DNAH10: variants seen among roughly 807,000 people sequenced by gnomAD.
The protein encoded by DNAH10 is axonemal beta dynein heavy chain 10.
Under a neutral mutation model 506.6 loss-of-function variants are expected in DNAH10, and 348 were observed. The ratio of observed to expected loss-of-function variants is 0.69; its 90% CI spans 0.63 to 0.75. DNAH10 has a LOEUF of 0.75. DNAH10 is among the 30% of genes least tolerant of loss of function. The pLI, the probability that DNAH10 is intolerant of heterozygous loss-of-function variation, is 0.00. For synonymous variants in DNAH10, 2,059 were observed against 2,198.6 expected (o/e 0.94, Z 1.78); for missense variants, 5,179 against 5,787.1 (o/e 0.89, Z 3.41).
At position 123,932,100 on chromosome 12, in the gene DNAH10, A is replaced by G. The variant is rs367906430; in HGVS notation, c.13288A>G (p.Met4430Val). The G allele has an allele frequency of 6.2e-6, 10 of 1,613,590 alleles. No individual in the cohort carries two copies. Among genetic ancestry groups the G allele is most frequent in the African/African-American group, 5.3e-5 (4 of 75,006 alleles). Residue 4430 changes from methionine to valine, a missense_variant, in exon 76 of 79, where the codon ATG becomes GTG. Transcript: ENST00000673944. ...CTTCCTGCGGCGGTTCAGCCAGTACATGTTGTGGGTAAGTGGCACGTCACC... is the reference window on the plus strand; with the variant it reads ...CTTCCTGCGGCGGTTCAGCCAGTACGTGTTGTGGGTAAGTGGCACGTCACC... ...VYFLRRFSQY[M>V]LWVTESEPSV...
rs1375564018 is a variant in DNAH10 at position 123,917,702 on chromosome 12, C to G, written c.11121C>G (p.Leu3707=). The G allele has an allele frequency of 6.4e-7, 1 of 1,559,024 alleles. No individual in the cohort carries two copies. ...IQETSENKNL[L]KDLEDSLLRE... is the part of the protein sequence containing the mutation. ...AGACCAGCGAGAACAAGAACCTGCT[C>G]AAGGACCTGGAAGATTCCCTCCTTC... Residue 3707 remains leucine (L), a synonymous_variant, in exon 64 of 79, where the codon CTC becomes CTG. Transcript: ENST00000673944. This position sits in a 1 kb window ranked among gnomAD's most constrained non-coding sequence, Gnocchi z 5.6.
chr12:123,902,796 G>T lies in DNAH10; in HGVS notation c.9641-143G>T. On this transcript the variant is annotated intron_variant, in intron 56 of 78. Transcript: ENST00000673944. The surrounding 1 kb of genome is among the most constrained non-coding windows in gnomAD (Gnocchi z 4.5). ...GGTTTTCTGTCCCACCAGGATCACT[G>T]AGGCTGCCACATTGGCCAGAGCCCC... is the stretch of plus-strand genomic sequence containing the variant. 9.3e-7 allele frequency: 1 copy of T among 1,077,520 alleles called. No individual in the cohort carries two copies. Among genetic ancestry groups the T allele is most frequent in the Non-Finnish European group, 1.3e-6 (1 of 772,722 alleles). 66.7% of individuals were successfully genotyped at this position (1,077,520 alleles called of 1,614,324 possible).
intron 2 of DNAH10, among the ~76,000 whole-genome samples, chr12:123,769,312 AT>A (rs762803847): frequency 9.0e-4 from 130 of 144,692 alleles, no homozygotes; most frequent in Admixed American, 1.2e-3. Context: ...CATCCAGCTA[AT>A]TTTTTTTTTT....
chr12:123,821,974 GGC>G (rs1959457597), intron 24 of DNAH10, among the ~76,000 whole-genome samples: 2 of 152,204 alleles, frequency 1.3e-5, no homozygotes, highest in Admixed American at 1.3e-4. Context: ...TGGGAGGCAA[GGC>G]GGGTGGATCA....
In DNAH10 at chr12:123,923,482, G is replaced by A. The variant is rs575952758; in HGVS notation, c.11507-281G>A. On this transcript the variant is annotated intron_variant, in intron 65 of 78. Coordinates refer to ENST00000673944, the MANE Select transcript of DNAH10 (RefSeq NM_001372106.1). The stretch of plus-strand genomic sequence containing the variant: ...GCCCCTGCTGTACTGCCCCTCACTG[G>A]CTTTTCCTCTTCCCAGGTTGGTGTG... 1.3e-4 allele frequency: 34 copies of A among 256,612 alleles called. 1 individual carries two copies. The South Asian group carries it at 2.6e-3, about 20-fold the overall frequency. 15.9% of individuals were successfully genotyped at this position (256,612 alleles called of 1,614,324 possible).
intron 43 of DNAH10, among the ~76,000 whole-genome samples, 195 bp from the exon 44 acceptor site, chr12:123,870,171 A>G (rs1951971155): frequency 6.6e-6 from 1 of 152,152 alleles, no homozygotes; most frequent in Non-Finnish European, 1.5e-5. Flanking sequence ...AGCTCCAAAT[A>G]CTTGGCATCT....
At chr12:123,873,991 A>C (rs1420678920) in intron 46 of DNAH10, among the ~76,000 whole-genome samples, 1 of 152,116 alleles carries the variant, frequency 6.6e-6, no homozygotes, top group Non-Finnish European at 1.5e-5. Context: ...GTATTTGAGG[A>C]AGTGGTTTCC....
rs1957802826 is a variant in DNAH10 at position 123,785,221 on chromosome 12, G to C, written c.1231-525G>C. Among the ~76,000 whole-genome samples the C allele has an allele frequency of 6.6e-6, 1 of 152,084 alleles. No individual in the cohort carries two copies. The highest frequency in any genetic ancestry group is 1.5e-5 in the Non-Finnish European group (1 of 68,008). On this transcript the variant is annotated intron_variant, in intron 8 of 78. Transcript: ENST00000673944. The surrounding 1 kb of genome is among the most constrained non-coding windows in gnomAD (Gnocchi z 4.1). ...TGAAGAGCAATACACGAAGGTTCTG[G>C]TTTTTCCGTATCTTCACCACCACTT...
At chr12:123,790,841 T>C (rs1334139714) in intron 11 of DNAH10, among the ~76,000 whole-genome samples, 3 of 152,134 alleles carry the variant, frequency 2.0e-5, no homozygotes, top group African/African-American at 4.8e-5. Context: ...GCCAGAATTA[T>C]AGGTCGGGTG....
intron 57 of DNAH10, among the ~76,000 whole-genome samples, chr12:123,908,752 A>G (rs1338231635): frequency 6.6e-6 from 1 of 152,190 alleles, no homozygotes; most frequent in African/African-American, 2.4e-5. Context: ...AGAGCCCAGG[A>G]TGCGGGGACC....
At position 123,833,356 on chromosome 12, in the gene DNAH10, A is replaced by G. The variant is rs1161302135; in HGVS notation, c.4779+9A>G. 3 of 1,598,220 alleles carry G rather than the reference A, an allele frequency of 1.9e-6. No individual in the cohort carries two copies. The highest frequency in any genetic ancestry group is 2.6e-6 in the Non-Finnish European group (3 of 1,170,504). ...TAGGGGAAGTCATTGAGGTGAGAGA[A>G]AAGATGAACAAAAGATGGATTAGAG... On this transcript the variant is annotated intron_variant, in intron 27 of 78. Transcript: ENST00000673944.
chr12:123,763,563 CTTTTT>C (rs35395990), intron 1 of DNAH10, among the ~76,000 whole-genome samples: 3 of 129,516 alleles, frequency 2.3e-5, no homozygotes, highest in Non-Finnish European at 1.6e-5. Flanking sequence ...TATTTTTTAA[CTTTTT>C]TTTTTTTTTT....
At chr12:123,911,173 A>AG (rs1303075482) in intron 59 of DNAH10, among the ~76,000 whole-genome samples, 2 of 139,940 alleles carry the variant, frequency 1.4e-5, no homozygotes, top group Admixed American at 7.1e-5. Context: ...CCCTGTCTCA[A>AG]AAAAAAAAAA....
At chr12:123,914,651 C>A (rs1954384497) in intron 61 of DNAH10, 101 bp downstream of exon 61, 5 of 1,427,508 alleles carry the variant, frequency 3.5e-6, no homozygotes, top group Non-Finnish European at 4.7e-6. Flanking sequence ...GGGGGCATCA[C>A]CAGGACCACA....
intron 38 of DNAH10, among the ~76,000 whole-genome samples, chr12:123,859,949 G>A (rs1276764881): frequency 6.6e-6 from 1 of 151,796 alleles, no homozygotes; most frequent in Middle Eastern, 3.2e-3. Flanking sequence ...AGGATTGCTT[G>A]AGCCCAAGAA....
chr12:123,928,854 CG>C lies in DNAH10; in HGVS notation c.12306+269del, dbSNP rs1359838018. 3.5e-5 allele frequency: 17 copies of C among 490,286 alleles called. No homozygotes were observed. The highest frequency in any genetic ancestry group is 4.0e-5 in the Admixed American group (1 of 25,260). The allele number at this position is 490,286 out of a possible 1,614,324, so 30.4% of individuals were successfully genotyped here. A position where few individuals can be genotyped will look rare whatever the true frequency, so the allele number is the denominator to read the frequency against. On this transcript the variant is annotated intron_variant, in intron 70 of 78. Transcript: ENST00000673944. The surrounding 1 kb of genome is among the most constrained non-coding windows in gnomAD (Gnocchi z 4.9). ...TCTACGCTACTTTTCATAAACTTCA[CG>C]GCCCCCCCCCCCACACACAGCCTGC...
At position 123,917,883 on chromosome 12, in the gene DNAH10, C is replaced by A; in HGVS notation, c.11232+70C>A. ...ATGCGCCGTTGGAGCGTCCATTTCT[C>A]TGTCTGCTCAATGAGAAAATGGGGC... On this transcript the variant is annotated intron_variant, in intron 64 of 78. Coordinates refer to ENST00000673944, the MANE Select transcript of DNAH10 (RefSeq NM_001372106.1). This position sits in a 1 kb window ranked among gnomAD's most constrained non-coding sequence, Gnocchi z 5.6. 6.8e-7 allele frequency: 1 copy of A among 1,474,168 alleles called. No individual in the cohort carries two copies. The allele number at this position is 1,474,168 out of a possible 1,614,324, so 91.3% of individuals were successfully genotyped here. A position where few individuals can be genotyped will look rare whatever the true frequency, so the allele number is the denominator to read the frequency against.
At chr12:123,868,184 G>A in intron 43 of DNAH10, 65 bp downstream of exon 43, 4 of 1,369,616 alleles carry the variant, frequency 2.9e-6, no homozygotes, top group Non-Finnish European at 3.0e-6. Context: ...TAGAGGAAGT[G>A]AATGAGCTTT....
intron 11 of DNAH10, among the ~76,000 whole-genome samples, chr12:123,790,796 G>C (rs1958050920): frequency 6.6e-6 from 1 of 152,162 alleles, no homozygotes; most frequent in African/African-American, 2.4e-5. Context: ...AGGCAAGAGG[G>C]TGCCATTGAA....
Sources: allele counts gnomAD v4.1 joint callset (sites outside exome capture counted in the v4.1 genomes callset), GRCh38; gene constraint gnomAD v4.1.1; non-coding constraint Gnocchi (gnomAD v3.1); transcripts MANE v1.5; gene names NCBI Gene and HGNC (gene_info 2026-07-23, HGNC 2026-07-21).